CNTN5: variants seen among roughly 807,000 people sequenced by gnomAD.
CNTN5 encodes the protein contactin 5.
A neutral mutation model predicts 129.1 loss-of-function variants in CNTN5; 77 were observed. The observed-to-expected ratio is 0.60, with a 90% confidence interval of 0.50 to 0.72. CNTN5 has a LOEUF of 0.72. CNTN5 is among the 30% of genes least tolerant of loss of function. The pLI, the probability that CNTN5 is intolerant of heterozygous loss-of-function variation, is 0.00. For missense variants in CNTN5, 1,478 were observed against 1,328.8 expected, an observed-to-expected ratio of 1.11 and a Z score of -1.75; for synonymous variants, 509 against 465.6, an observed-to-expected ratio of 1.09 and a Z score of -1.20.
intron 1 of CNTN5, among the ~76,000 whole-genome samples, chr11:99,140,966 T>C (rs1182444313): frequency 2.0e-5 from 3 of 152,002 alleles, no homozygotes; most frequent in African/African-American, 7.2e-5. Context: ...TGTTTTTCTG[T>C]TGTGTCTCTG....
intron 7 of CNTN5, among the ~76,000 whole-genome samples, chr11:99,922,854 G>A (rs1302698303): frequency 6.6e-6 from 1 of 152,194 alleles, no homozygotes; most frequent in Non-Finnish European, 1.5e-5. Context: ...GTGAAATGCA[G>A]ATTCTAACAG....
At chr11:100,079,840 A>G (rs1364231680) in intron 13 of CNTN5, among the ~76,000 whole-genome samples, 1 of 152,108 alleles carries the variant, frequency 6.6e-6, no homozygotes, top group African/African-American at 2.4e-5. Context: ...CTTCATTCAG[A>G]ATGTTCTGCT....
intron 10 of CNTN5, among the ~76,000 whole-genome samples, chr11:100,068,531 A>G (rs1417139033): frequency 6.6e-6 from 1 of 152,172 alleles, no homozygotes; most frequent in Non-Finnish European, 1.5e-5. Flanking sequence ...TGCATAGTGT[A>G]AAGTATCCTG....
chr11:100,241,813 A>T (rs1304882524), intron 16 of CNTN5, among the ~76,000 whole-genome samples: 1 of 152,196 alleles, frequency 6.6e-6, no homozygotes, highest in Non-Finnish European at 1.5e-5. Context: ...AGAAACTATC[A>T]CTGTCATTGA....
intron 1 of CNTN5, among the ~76,000 whole-genome samples, chr11:99,162,316 G>A (rs1860658415): frequency 6.6e-6 from 1 of 151,446 alleles, no homozygotes; most frequent in Non-Finnish European, 1.5e-5. Context: ...GAGAGCCTTT[G>A]TAGAAAATGC....
chr11:99,370,482 C>T (rs1011796958), intron 2 of CNTN5, among the ~76,000 whole-genome samples: 3 of 152,120 alleles, frequency 2.0e-5, no homozygotes, highest in Admixed American at 6.5e-5. Flanking sequence ...GTATTGAACA[C>T]GTACCTTCAA....
chr11:99,921,099 C>A (rs553736940), intron 7 of CNTN5, among the ~76,000 whole-genome samples: 6 of 152,166 alleles, frequency 3.9e-5, no homozygotes, highest in Admixed American at 3.9e-4. Flanking sequence ...CCCAGACTTC[C>A]AGCCTCCATA....
rs1051283055 is a variant in CNTN5, at chr11:99,681,406, G to A, written c.55+125137G>A. Among the ~76,000 whole-genome samples the A allele has an allele frequency of 3.9e-5, 6 of 151,930 alleles. 1 individual carries two copies. Among genetic ancestry groups the A allele is most frequent in the Admixed American group, 1.3e-4 (2 of 15,246 alleles). On this transcript the variant is annotated intron_variant, in intron 3 of 24. Transcript: ENST00000524871. ...TGTTGTCTTATTCTGAGAAATTGCCGCAGCCACTGCGTTGTTCAGCAACCG... is the reference window on the plus strand; with the variant it reads ...TGTTGTCTTATTCTGAGAAATTGCCACAGCCACTGCGTTGTTCAGCAACCG...
At chr11:99,630,504 C>T (rs372888645) in intron 3 of CNTN5, among the ~76,000 whole-genome samples, 91 of 151,630 alleles carry the variant, frequency 6.0e-4, no homozygotes, top group African/African-American at 2.2e-3. Flanking sequence ...CACCCCGCAC[C>T]CCCATAGCAA....
At chr11:99,122,671 T>C (rs1591230398) in intron 1 of CNTN5, among the ~76,000 whole-genome samples, 2 of 151,896 alleles carry the variant, frequency 1.3e-5, no homozygotes, top group East Asian at 3.9e-4. Flanking sequence ...CCTGATAGGT[T>C]TATTATTATT....
intron 1 of CNTN5, among the ~76,000 whole-genome samples, chr11:99,054,297 A>G (rs930013573): frequency 2.6e-5 from 4 of 151,796 alleles, no homozygotes; most frequent in Non-Finnish European, 5.9e-5. Context: ...CTCAAACCAG[A>G]CTTTCACAGA....
chr11:99,609,519 A>T (rs994732761), intron 3 of CNTN5, among the ~76,000 whole-genome samples: 2 of 152,116 alleles, frequency 1.3e-5, no homozygotes, highest in Non-Finnish European at 2.9e-5. Flanking sequence ...GAACACACAG[A>T]AGTCCAGGAA....
chr11:100,269,887 C>A (rs956147034), intron 17 of CNTN5, among the ~76,000 whole-genome samples: 1 of 152,046 alleles, frequency 6.6e-6, no homozygotes, highest in Non-Finnish European at 1.5e-5. Context: ...AGGTTCTGGG[C>A]TAGAGAAGGC....
intron 1 of CNTN5, among the ~76,000 whole-genome samples, chr11:99,316,843 C>T (rs192885283): frequency 5.3e-5 from 8 of 152,140 alleles, no homozygotes; most frequent in African/African-American, 1.9e-4. Context: ...AGCTCCGAGC[C>T]GTGTATAAAG....
chr11:100,356,433 C>G lies in CNTN5; in HGVS notation c.*213C>G. ...GTAAACGGAGAGGACAGTTCTTAGT[C>G]CAGTAAAAATATGCAGATTGTATGT... is the stretch of plus-strand genomic sequence containing the variant. On this transcript the variant is annotated 3_prime_UTR_variant, in exon 25 of 25. Transcript: ENST00000524871. 1.9e-6 allele frequency: 1 copy of G among 537,844 alleles called. No individual in the cohort carries two copies. Among genetic ancestry groups the G allele is most frequent in the Non-Finnish European group, 3.3e-6 (1 of 302,168 alleles). The allele number at this position is 537,844 out of a possible 1,614,324, so 33.3% of individuals were successfully genotyped here.
chr11:99,083,902 T>G (rs1171676878), intron 1 of CNTN5, among the ~76,000 whole-genome samples: 2 of 152,174 alleles, frequency 1.3e-5, no homozygotes, highest in African/African-American at 4.8e-5. Context: ...TGAGAGCCCT[T>G]AATGTAGATT....
chr11:100,099,305 C>A (rs200979714), intron 13 of CNTN5, among the ~76,000 whole-genome samples: 1 of 151,834 alleles, frequency 6.6e-6, no homozygotes, highest in Admixed American at 6.6e-5. Context: ...ACATTTCAGG[C>A]AAACTGGGGT....
At chr11:99,716,007 G>T (rs1021506576) in intron 3 of CNTN5, among the ~76,000 whole-genome samples, 36 of 130,664 alleles carry the variant, frequency 2.8e-4, no homozygotes, top group African/African-American at 9.6e-4. Flanking sequence ...TTCAGCTTTC[G>T]ACTTTAGTCA....
chr11:99,646,583 A>G (rs1951970999), intron 3 of CNTN5, among the ~76,000 whole-genome samples: 1 of 152,194 alleles, frequency 6.6e-6, no homozygotes, highest in Non-Finnish European at 1.5e-5. Flanking sequence ...TATTTAGAAC[A>G]TAAAGTTGGC....
Sources: gnomAD v4.1 joint callset for allele counts (sites outside exome capture counted in the v4.1 genomes callset) on GRCh38, gnomAD v4.1.1 for gene constraint, MANE v1.5 for transcripts, NCBI Gene and HGNC (gene_info 2026-07-23, HGNC 2026-07-21) for gene names.